The following ANKRD11 variants were observed in gnomAD, a reference collection of about 807,000 sequenced individuals.
ANKRD11 encodes ankyrin repeat domain 11.
In ANKRD11, 17 loss-of-function variants were observed where a neutral mutation model predicts 195.7. That is an observed-to-expected ratio of 0.09 (90% CI 0.06 to 0.13). The LOEUF (loss-of-function observed/expected upper bound fraction) is 0.13, where lower values mean the gene tolerates loss of function less well. Ranked by LOEUF, ANKRD11 falls within the 10% of genes least tolerant of loss-of-function variation. The pLI, the probability that ANKRD11 is intolerant of heterozygous loss-of-function variation, is 1.00. For missense variants in ANKRD11, 3,735 were observed against 3,566.1 expected (o/e 1.05, Z -1.21); for synonymous variants, 1,953 against 1,528.1 (o/e 1.28, Z -6.49).
chr16:89,460,896 A>AC (rs754159420), intron 1 of ANKRD11, among the ~76,000 whole-genome samples: 4 of 144,556 alleles, frequency 2.8e-5, no homozygotes, highest in African/African-American at 1.0e-4. Context: ...ATATTGTATG[A>AC]CCCCCCACCC....
intron 2 of ANKRD11, among the ~76,000 whole-genome samples, chr16:89,389,843 C>T (rs1355287056): frequency 6.3e-5 from 8 of 126,918 alleles, no homozygotes; most frequent in African/African-American, 2.5e-4. Flanking sequence ...CCGAGTGTGG[C>T]GGGGAGCACC....
At chr16:89,306,268 T>C (rs867953033) in intron 3 of ANKRD11, among the ~76,000 whole-genome samples, 121 of 3,822 alleles carry the variant, frequency 0.032, 1 homozygote, top group Admixed American at 0.044. Flanking sequence ...CACGCGCCAC[T>C]TACCTCCCCC....
chr16:89,428,862 A>G (rs2042844791), intron 1 of ANKRD11, among the ~76,000 whole-genome samples: 1 of 152,178 alleles, frequency 6.6e-6, no homozygotes, highest in African/African-American at 2.4e-5. Flanking sequence ...CCAATGCATT[A>G]TAGCCTGGGC....
intron 2 of ANKRD11, among the ~76,000 whole-genome samples, chr16:89,400,916 C>A (rs2041654811): frequency 6.6e-6 from 1 of 152,146 alleles, no homozygotes; most frequent in African/African-American, 2.4e-5. Context: ...TGCAGACACC[C>A]TCTCACAGGC....
rs760859183 is a variant in ANKRD11, at chr16:89,280,471, G to A, written c.6071C>T (p.Pro2024Leu). The A allele has an allele frequency of 1.7e-5, 27 of 1,603,114 alleles. No individual in the cohort carries two copies. Among genetic ancestry groups the A allele is most frequent in the Middle Eastern group, 1.7e-4 (1 of 5,740 alleles). The change falls in exon 9 of 13, where the codon CCG becomes CTG. Residue 2024 changes from proline (P) to leucine (L), a missense_variant. Pro to Leu is a moderately conservative substitution (Grantham distance 98). Coordinates refer to ENST00000301030, the MANE Select transcript of ANKRD11 (RefSeq NM_013275.6). ...CGGCTCAGCGACGGGCAGAGCGTAC[G>A]GGGCAGGAGAGGCGGGAGGGGCGGG... ...PYPAPPASPAPYALPVAEPGL... is the reference protein window; with the variant it reads ...PYPAPPASPALYALPVAEPGL...
At chr16:89,368,624 AG>A (rs2040057927) in intron 2 of ANKRD11, among the ~76,000 whole-genome samples, 1 of 149,336 alleles carries the variant, frequency 6.7e-6, no homozygotes, top group Admixed American at 6.6e-5. Context: ...AAAAAAAAAA[AG>A]GGCTGGGTGC....
intron 1 of ANKRD11, among the ~76,000 whole-genome samples, chr16:89,436,825 C>T (rs2043234752): frequency 6.6e-6 from 1 of 152,188 alleles, no homozygotes; most frequent in South Asian, 2.1e-4. Flanking sequence ...CTGTTAGAGA[C>T]CCCTGAAGGT....
chr16:89,417,861 G>T (rs191931622), intron 2 of ANKRD11, among the ~76,000 whole-genome samples: 1 of 151,330 alleles, frequency 6.6e-6, no homozygotes, highest in Non-Finnish European at 1.5e-5. Flanking sequence ...GGATCCTAAC[G>T]AGCAGAACAG....
intron 2 of ANKRD11, among the ~76,000 whole-genome samples, chr16:89,364,519 C>T (rs896673819): frequency 6.6e-6 from 1 of 152,126 alleles, no homozygotes; most frequent in African/African-American, 2.4e-5. Flanking sequence ...TTAACCTATT[C>T]GCCCTCAAAA....
At chr16:89,363,766 G>A (rs1173302158) in intron 2 of ANKRD11, among the ~76,000 whole-genome samples, 1 of 152,206 alleles carries the variant, frequency 6.6e-6, no homozygotes, top group Non-Finnish European at 1.5e-5. Context: ...GTCAGGAAGT[G>A]GAGTGCTAGC....
intron 2 of ANKRD11, chr16:89,392,732 G>A (rs1402464167): frequency 6.8e-6 from 1 of 147,992 alleles, no homozygotes; most frequent in African/African-American, 2.5e-5. Flanking sequence ...ACGGTATCTA[G>A]GATGTCCGGC....
intron 1 of ANKRD11, among the ~76,000 whole-genome samples, chr16:89,479,585 A>C (rs1201790172): frequency 6.6e-6 from 1 of 151,606 alleles, no homozygotes; most frequent in African/African-American, 2.4e-5. Flanking sequence ...CAGTGAGCTG[A>C]GATCACACCA....
At chr16:89,315,205 T>C (rs1403781823) in intron 3 of ANKRD11, among the ~76,000 whole-genome samples, 1 of 151,900 alleles carries the variant, frequency 6.6e-6, no homozygotes, top group East Asian at 1.9e-4. Flanking sequence ...TGGCAGGAGC[T>C]CAAGAGGATG....
intron 3 of ANKRD11, among the ~76,000 whole-genome samples, chr16:89,309,133 C>T (rs1031557693): frequency 2.6e-5 from 4 of 152,214 alleles, no homozygotes; most frequent in Non-Finnish European, 5.9e-5. Flanking sequence ...ACCACACAGA[C>T]GTCAGGCCCA....
intron 2 of ANKRD11, among the ~76,000 whole-genome samples, chr16:89,413,637 A>T (rs568925198): frequency 1.7e-4 from 26 of 152,274 alleles, no homozygotes; most frequent in African/African-American, 6.3e-4. Context: ...AGAAAAAAAT[A>T]AAGGAAATGG....
At position 89,296,500 on chromosome 16, in the gene ANKRD11, C is replaced by T. The variant is rs576356814; in HGVS notation, c.227-5317G>A. Among the ~76,000 whole-genome samples the T allele has an allele frequency of 6.4e-4, 97 of 152,364 alleles. 1 individual carries two copies. The highest frequency in any genetic ancestry group is 1.3e-3 in the Non-Finnish European group (86 of 68,030). The stretch of plus-strand genomic sequence containing the variant: ...TTCTTATGTTGTGTCTAATAAGCTA[C>T]ATCATCTGCTCACTGGGTTTTTTAT... On this transcript the variant is annotated intron_variant, in intron 4 of 12. Coordinates refer to ENST00000301030, the MANE Select transcript of ANKRD11 (RefSeq NM_013275.6).
Position 89,286,125 on chromosome 16 carries a change from G to A in ANKRD11, c.806C>T (p.Thr269Met), listed in dbSNP as rs771447879. The change falls in exon 8 of 13, where the codon ACG becomes ATG. Residue 269 changes from threonine to methionine, a missense_variant. By Grantham distance (81) the Thr-to-Met change is moderately conservative. Transcript: ENST00000301030. ...NPQQSNRKGETPLKVANSPTM... is the reference protein window; with the variant it reads ...NPQQSNRKGEMPLKVANSPTM... ...GGGGGAGTTGGCCACTTTCAGCGGC[G>A]TCTCGCCTTTCCTGTTGCTCTGCTG... 2 of 1,614,184 alleles carry A rather than the reference G, an allele frequency of 1.2e-6. No individual in the cohort carries two copies. The highest frequency in any genetic ancestry group is 1.1e-5 in the South Asian group (1 of 91,090).
intron 3 of ANKRD11, among the ~76,000 whole-genome samples, chr16:89,306,576 TCCCACTCCGCAGACACGCGCC>T: frequency 2.5e-5 from 2 of 81,458 alleles, no homozygotes; most frequent in East Asian, 4.4e-4. Flanking sequence ...ACGCGCCACC[TCCCACTCCGCAGACACGCGCC>T]ACCTCCCACT....
At chr16:89,288,119 C>T (rs993198826) in intron 7 of ANKRD11, 3 of 597,644 alleles carry the variant, frequency 5.0e-6, no homozygotes, top group African/African-American at 3.7e-5. Context: ...TGGTTCTGTG[C>T]ACTGGCCACA....
Sources: allele counts gnomAD v4.1 joint callset (sites outside exome capture counted in the v4.1 genomes callset), GRCh38; gene constraint gnomAD v4.1.1; transcripts MANE v1.5; gene names NCBI Gene and HGNC (gene_info 2026-07-23, HGNC 2026-07-21).